Variants in INPP4A observed in about 807,000 individuals in gnomAD.
The protein encoded by INPP4A is inositol polyphosphate-4-phosphatase type I A, also known as inositol polyphosphate-4-phosphatase, type I, 107kD.
Under a neutral mutation model 119.8 loss-of-function variants are expected in INPP4A, and 33 were observed. That is an observed-to-expected ratio of 0.28 (90% CI 0.21 to 0.37). The LOEUF (loss-of-function observed/expected upper bound fraction) is 0.37, where lower values mean the gene tolerates loss of function less well. Among genes scored for constraint, INPP4A ranks in the 10% least tolerant of loss-of-function variants. The pLI, the probability that INPP4A is intolerant of heterozygous loss-of-function variation, is 1.00. For synonymous variants in INPP4A, 496 were observed against 500.7 expected, an observed-to-expected ratio of 0.99 and a Z score of 0.12; for missense variants, 956 against 1,289.9, an observed-to-expected ratio of 0.74 and a Z score of 3.97.
chr2:98,516,672 C>G (rs1686183039), intron 1 of INPP4A, among the ~76,000 whole-genome samples: 1 of 152,138 alleles, frequency 6.6e-6, no homozygotes, highest in Admixed American at 6.5e-5. Flanking sequence ...GGAAAAGGTT[C>G]AAAAGGGAAG....
Position 98,545,969 on chromosome 2 carries a change from G to A in INPP4A, c.950G>A (p.Gly317Glu). 2 of 1,582,702 alleles carry A rather than the reference G, an allele frequency of 1.3e-6. No individual in the cohort carries two copies. Among genetic ancestry groups the A allele is most frequent in the Non-Finnish European group, 1.7e-6 (2 of 1,163,298 alleles). ...ENLTDLHQYR[G>E]PSFKASSLKA... ...TATCTTCTCCTATTCCATTTCTTAGGGCCCTCGTTTAAAGCAAGCAGTTTG... is the reference window on the plus strand; with the variant it reads ...TATCTTCTCCTATTCCATTTCTTAGAGCCCTCGTTTAAAGCAAGCAGTTTG... The change falls in exon 12 of 25, where the codon GGG becomes GAG. Residue 317 changes from glycine to glutamate, a missense_variant and splice_region_variant. Around this residue, in one of 2 missense-constraint regions of INPP4A, gnomAD observed 652 missense variants for 797.9 expected, o/e 0.82. Transcript: ENST00000409851.
In INPP4A at chr2:98,519,943, C is replaced by T. The variant is rs1686869394; in HGVS notation, c.-103-3C>T. The T allele has an allele frequency of 4.9e-6, 4 of 819,082 alleles. No homozygotes were observed. Among genetic ancestry groups the T allele is most frequent in the African/African-American group, 1.7e-5 (1 of 58,696 alleles). The allele number at this position is 819,082 out of a possible 1,614,324, so 50.7% of individuals were successfully genotyped here. A position where few individuals can be genotyped will look rare whatever the true frequency, so the allele number is the denominator to read the frequency against. On this transcript the variant is annotated splice_polypyrimidine_tract_variant and splice_region_variant and intron_variant, in intron 2 of 24. Transcript: ENST00000409851. Reference sequence around the variant, plus strand: ...GGTTTCTTACAAGTGCTCCTTTTCTCAGGGCTACTGCCACTTTAGTGGACT... The same window carrying T: ...GGTTTCTTACAAGTGCTCCTTTTCTTAGGGCTACTGCCACTTTAGTGGACT...
At chr2:98,509,406 A>G (rs1424496327) in intron 1 of INPP4A, among the ~76,000 whole-genome samples, 1 of 152,208 alleles carries the variant, frequency 6.6e-6, no homozygotes, top group Non-Finnish European at 1.5e-5. Context: ...CGTGCTCCTT[A>G]TGAGAATCTA....
At chr2:98,548,217 A>G (rs559183413) in intron 13 of INPP4A, among the ~76,000 whole-genome samples, 1 of 152,256 alleles carries the variant, frequency 6.6e-6, no homozygotes, top group Admixed American at 6.5e-5. Flanking sequence ...TGAGTCCCGG[A>G]GGGAGGAGAA....
At chr2:98,456,432 T>C (rs1696148309) in intron 1 of INPP4A, among the ~76,000 whole-genome samples, 1 of 152,190 alleles carries the variant, frequency 6.6e-6, no homozygotes, top group Admixed American at 6.5e-5. Flanking sequence ...CCTCCTGGGC[T>C]CAAGCATCCT....
intron 24 of INPP4A, among the ~76,000 whole-genome samples, chr2:98,582,407 A>G (rs1699440039): frequency 6.6e-6 from 1 of 152,190 alleles, no homozygotes; most frequent in East Asian, 1.9e-4. Flanking sequence ...CAAGAGCCAG[A>G]CACAGTCAGA....
intron 1 of INPP4A, among the ~76,000 whole-genome samples, chr2:98,492,787 A>T (rs1681109188): frequency 6.6e-6 from 1 of 152,234 alleles, no homozygotes; most frequent in Non-Finnish European, 1.5e-5. Flanking sequence ...AACAGAGCCT[A>T]GCCAGGACTC....
Position 98,564,657 on chromosome 2 carries a change from C to G in INPP4A, c.2046C>G (p.Cys682Trp). Residue 682 changes from cysteine to tryptophan, a missense_variant, in exon 19 of 25, where the codon TGC becomes TGG. Physicochemically the swap from Cys to Trp is radical, Grantham distance 215 (BLOSUM62 -2). This residue lies in a region of INPP4A where 304 missense variants were observed against 492.1 expected (regional missense o/e 0.62). Coordinates refer to ENST00000409851, the MANE Select transcript of INPP4A (RefSeq NM_001134225.2). ...VFCQTLTALICGFIIKLRNCL... is the reference protein window; with the variant it reads ...VFCQTLTALIWGFIIKLRNCL... ...TCCCACAGCTGACCGCCCTCATCTG[C>G]GGCTTCATCATTAAGCTGAGGAACT... is the stretch of plus-strand genomic sequence containing the variant. The G allele has an allele frequency of 6.2e-7, 1 of 1,613,400 alleles. No homozygotes were observed. Among genetic ancestry groups the G allele is most frequent in the Non-Finnish European group, 8.5e-7 (1 of 1,179,764 alleles).
At chr2:98,581,496 G>C (rs1442521698) in intron 24 of INPP4A, 1 of 1,311,562 alleles carries the variant, frequency 7.6e-7, no homozygotes. Flanking sequence ...AAAATCCATC[G>C]CATGTGTCTT....
At chr2:98,533,312 G>T in intron 4 of INPP4A, 65 bp from the exon 5 acceptor site, 1 of 990,766 alleles carries the variant, frequency 1.0e-6, no homozygotes. Context: ...GAATGTGTTT[G>T]GAACAGAAAA....
chr2:98,523,183 G>A (rs1387562388), intron 4 of INPP4A, among the ~76,000 whole-genome samples: 1 of 152,152 alleles, frequency 6.6e-6, no homozygotes, highest in African/African-American at 2.4e-5. Context: ...TAAAATGATT[G>A]CATATGGAGA....
intron 17 of INPP4A, among the ~76,000 whole-genome samples, chr2:98,562,947 A>AG (rs1695758659): frequency 6.6e-6 from 1 of 152,174 alleles, no homozygotes; most frequent in African/African-American, 2.4e-5. Flanking sequence ...CCAGGTGTGC[A>AG]GGGGTAAGAA....
intron 1 of INPP4A, among the ~76,000 whole-genome samples, chr2:98,457,161 C>G (rs1219988173): frequency 6.6e-6 from 1 of 152,130 alleles, no homozygotes; most frequent in Non-Finnish European, 1.5e-5. Context: ...TATGTCCCAG[C>G]CCAGACACTC....
Position 98,563,533 on chromosome 2 carries a change from A to G in INPP4A, c.1924A>G (p.Lys642Glu). The part of the protein sequence containing the change: ...LTDCVAMMSD[K>E]AKKAMVFLLM... ...CGACTGCGTGGCCATGATGAGTGAC[A>G]AGGCCAAGAAGGCCATGGTATTCCT... is the stretch of plus-strand genomic sequence containing the variant. The change falls in exon 18 of 25, where the codon AAG (lysine) becomes GAG (glutamate). Residue 642 changes from lysine to glutamate, a missense_variant. By Grantham distance (56) the Lys-to-Glu change is moderately conservative. Around this residue, in one of 2 missense-constraint regions of INPP4A, gnomAD observed 304 missense variants for 492.1 expected, o/e 0.62. Coordinates refer to ENST00000409851, the MANE Select transcript of INPP4A (RefSeq NM_001134225.2). 3 of 1,613,930 alleles carry G rather than the reference A, an allele frequency of 1.9e-6. No individual in the cohort carries two copies. The highest frequency in any genetic ancestry group is 2.5e-6 in the Non-Finnish European group (3 of 1,179,860).
In INPP4A at chr2:98,594,357, G is replaced by A. The variant is rs1035324003; in HGVS notation, c.*6749G>A. On this transcript the variant is annotated 3_prime_UTR_variant, in exon 25 of 25. Transcript: ENST00000409851. ...ATCCTATTCACTTTTTGGTATACTG[G>A]TTGTTTAACAGTAAAAATTAAATGT... 8 of 152,122 alleles carry A rather than the reference G, an allele frequency of 5.3e-5. No individual in the cohort carries two copies. The highest frequency in any genetic ancestry group is 4.4e-5 in the Non-Finnish European group (3 of 68,028). The allele number at this position is 152,122 out of a possible 1,614,324, so 9.4% of individuals were successfully genotyped here. A position where few individuals can be genotyped will look rare whatever the true frequency, so the allele number is the denominator to read the frequency against.
intron 1 of INPP4A, among the ~76,000 whole-genome samples, chr2:98,472,707 A>G (rs1174537084): frequency 2.0e-5 from 3 of 152,240 alleles, no homozygotes; most frequent in Admixed American, 1.3e-4. Flanking sequence ...AGTAGGAAGC[A>G]TCTGCAGAAA....
Position 98,572,902 on chromosome 2 carries a change from T to C in INPP4A, c.2606T>C (p.Val869Ala). ...QNVHARKNKN[V>A]DILWQAAEIC... The stretch of plus-strand genomic sequence containing the variant: ...GTGCATGCCCGGAAGAATAAGAACG[T>C]CGACATTCTCTGGCAAGCTGCTGAG... The change falls in exon 23 of 25, where the codon GTC becomes GCC. Residue 869 changes from valine (V) to alanine (A), a missense_variant. Physicochemically the swap from Val to Ala is moderately conservative, Grantham distance 64 (BLOSUM62 0). Around this residue, in one of 2 missense-constraint regions of INPP4A, gnomAD observed 304 missense variants for 492.1 expected, o/e 0.62. Transcript: ENST00000409851. The C allele has an allele frequency of 6.3e-7, 1 of 1,575,506 alleles. No individual in the cohort carries two copies. The highest frequency in any genetic ancestry group is 1.4e-5 in the African/African-American group (1 of 74,018).
chr2:98,454,483 C>T (rs1017054676), intron 1 of INPP4A, among the ~76,000 whole-genome samples: 7 of 152,072 alleles, frequency 4.6e-5, no homozygotes, highest in Non-Finnish European at 7.4e-5. Context: ...GCTAGGCTCA[C>T]AGGAGGGTGG....
intron 1 of INPP4A, among the ~76,000 whole-genome samples, chr2:98,498,787 TATAAG>T (rs1454359252): frequency 6.6e-5 from 10 of 152,190 alleles, no homozygotes. Flanking sequence ...CTGGTGTCCT[TATAAG>T]AAGAGACCTC....
Sources: allele counts gnomAD v4.1 joint callset (sites outside exome capture counted in the v4.1 genomes callset), GRCh38; gene constraint gnomAD v4.1.1; regional missense constraint gnomAD v4.1.1; transcripts MANE v1.5; gene names NCBI Gene and HGNC (gene_info 2026-07-23, HGNC 2026-07-21).